ADGRV1: variants seen among roughly 807,000 people sequenced by gnomAD.
The protein encoded by ADGRV1 is G-protein coupled receptor 98.
ADGRV1 carries 359 observed loss-of-function variants against 596.2 expected under a neutral mutation model. The ratio of observed to expected loss-of-function variants is 0.60; its 90% CI spans 0.55 to 0.66. The LOEUF is 0.66. Ranked by LOEUF, ADGRV1 falls within the 30% of genes least tolerant of loss-of-function variation. The pLI is 0.00. For missense variants in ADGRV1, 7,274 were observed against 7,575.6 expected (o/e 0.96, Z 1.48); for synonymous variants, 2,681 against 2,679.2 (o/e 1.00, Z -0.02).
chr5:91,046,798 A>G (rs1258562337), intron 85 of ADGRV1, among the ~76,000 whole-genome samples: 1 of 152,206 alleles, frequency 6.6e-6, no homozygotes, highest in African/African-American at 2.4e-5. Context: ...AAAATCTACA[A>G]CAAACTCAAA....
At chr5:91,094,052 A>G (rs1790629831) in intron 86 of ADGRV1, among the ~76,000 whole-genome samples, 1 of 151,770 alleles carries the variant, frequency 6.6e-6, no homozygotes, top group Non-Finnish European at 1.5e-5. Context: ...GGGTTTCGCC[A>G]TGTTCGCCAG....
At chr5:91,012,266 T>G (rs566999553) in intron 85 of ADGRV1, among the ~76,000 whole-genome samples, 25 of 152,126 alleles carry the variant, frequency 1.6e-4, no homozygotes, top group African/African-American at 5.5e-4. Flanking sequence ...CTGTTAGACA[T>G]TCCGTTTATT....
intron 85 of ADGRV1, among the ~76,000 whole-genome samples, chr5:91,019,755 A>G (rs1446797140): frequency 6.6e-6 from 1 of 152,044 alleles, no homozygotes; most frequent in Non-Finnish European, 1.5e-5. Context: ...ATCTGAGCAC[A>G]TGACCCTTAA....
chr5:90,883,663 C>T (rs568184953), intron 83 of ADGRV1, among the ~76,000 whole-genome samples: 10 of 152,096 alleles, frequency 6.6e-5, no homozygotes, highest in East Asian at 1.9e-4. Flanking sequence ...TTTGCTTCTT[C>T]GGCCTTTCAC....
At chr5:90,604,723 TC>T (rs1761855621) in intron 1 of ADGRV1, among the ~76,000 whole-genome samples, 1 of 152,148 alleles carries the variant, frequency 6.6e-6, no homozygotes, top group South Asian at 2.1e-4. Context: ...AAACATGTGA[TC>T]CTTATTTTTT....
At chr5:90,894,751 G>A (rs1429419635) in intron 83 of ADGRV1, among the ~76,000 whole-genome samples, 2 of 152,078 alleles carry the variant, frequency 1.3e-5, no homozygotes, top group Non-Finnish European at 2.9e-5. Flanking sequence ...AATGAATATG[G>A]AACCTGTTTC....
rs540128407 is a variant in ADGRV1 at position 90,579,205 on chromosome 5, C to T, written c.22+20288C>T. 1.7e-3 allele frequency among the ~76,000 whole-genome samples: 263 copies of T among 152,172 alleles called. 1 individual carries two copies. Among genetic ancestry groups the T allele is most frequent in the Non-Finnish European group, 1.7e-3 (118 of 68,010 alleles). ...TCTTTTAATTGTGATGTTACGGTGC[C>T]GATTTTAGATCTTCCCTGCTTTCTC... On this transcript the variant is annotated intron_variant, in intron 1 of 89. Transcript: ENST00000405460.
At chr5:91,084,780 A>G (rs1177495631) in intron 86 of ADGRV1, among the ~76,000 whole-genome samples, 1 of 152,212 alleles carries the variant, frequency 6.6e-6, no homozygotes, top group Non-Finnish European at 1.5e-5. Flanking sequence ...ACATGCACAC[A>G]TATGTTTATT....
chr5:91,113,465 C>A (rs1792558922), intron 87 of ADGRV1, among the ~76,000 whole-genome samples: 2 of 152,186 alleles, frequency 1.3e-5, no homozygotes, highest in Admixed American at 1.3e-4. Context: ...TATAGGCAGA[C>A]CACCTTGATC....
At chr5:91,012,915 T>C (rs761001572) in intron 85 of ADGRV1, among the ~76,000 whole-genome samples, 2 of 152,006 alleles carry the variant, frequency 1.3e-5, no homozygotes, top group Non-Finnish European at 2.9e-5. Context: ...TGTTGTTCCC[T>C]TCTTTGTGCT....
At chr5:91,091,721 A>G (rs1270551945) in intron 86 of ADGRV1, 2 of 151,272 alleles carry the variant, frequency 1.3e-5, no homozygotes, top group South Asian at 4.2e-4. Context: ...TTTTAGTTCG[A>G]AAGCCTGAAA....
At chr5:90,790,809 T>A in intron 69 of ADGRV1, 64 bp from the exon 70 acceptor site, 2 of 1,063,048 alleles carry the variant, frequency 1.9e-6, no homozygotes. Context: ...AAACATAATT[T>A]AAGGGAATTT....
chr5:90,704,896 C>T (rs1243604046), intron 36 of ADGRV1, among the ~76,000 whole-genome samples: 2 of 151,874 alleles, frequency 1.3e-5, no homozygotes, highest in African/African-American at 2.4e-5. Flanking sequence ...CTGCAGCCGC[C>T]GCCTCCCGGG....
chr5:90,689,332 CTTTTTTTT>C (rs34756274), intron 29 of ADGRV1, among the ~76,000 whole-genome samples: 203 of 104,422 alleles, frequency 1.9e-3, no homozygotes, highest in African/African-American at 7.9e-3. Flanking sequence ...CCCCACCCAC[CTTTTTTTT>C]TTTTTTTTTT....
chr5:90,927,128 G>A (rs1165806544), intron 83 of ADGRV1, among the ~76,000 whole-genome samples: 33 of 150,070 alleles, frequency 2.2e-4, no homozygotes, highest in Non-Finnish European at 4.9e-4. Context: ...GGGGTGGAGA[G>A]TTCTGTAGAT....
chr5:91,160,440 C>T (rs1796848514), intron 89 of ADGRV1, among the ~76,000 whole-genome samples: 2 of 152,160 alleles, frequency 1.3e-5, no homozygotes, highest in Non-Finnish European at 2.9e-5. Context: ...TCAGCTAGCA[C>T]CTCTCATCCT....
chr5:90,908,910 C>T (rs1314408211), intron 83 of ADGRV1, among the ~76,000 whole-genome samples: 1 of 152,010 alleles, frequency 6.6e-6, no homozygotes, highest in Non-Finnish European at 1.5e-5. Context: ...ATTCAGAGAA[C>T]GGTGTGTTGA....
intron 83 of ADGRV1, among the ~76,000 whole-genome samples, chr5:90,872,423 T>TTGTGTGTGTGTGTGTGTGTGTG (rs55743704): frequency 1.4e-5 from 2 of 147,338 alleles, no homozygotes; most frequent in Admixed American, 6.8e-5. Flanking sequence ...TGGTATGAGC[T>TTGTGTGTGTGTGTGTGTGTGTG]TGTGTGTGTG....
At chr5:91,035,169 A>G (rs1248148333) in intron 85 of ADGRV1, among the ~76,000 whole-genome samples, 2 of 152,044 alleles carry the variant, frequency 1.3e-5, no homozygotes, top group African/African-American at 2.4e-5. Context: ...GCCTGCCACC[A>G]TATGTTGTAT....
Sources: allele counts gnomAD v4.1 joint callset (sites outside exome capture counted in the v4.1 genomes callset), GRCh38; gene constraint gnomAD v4.1.1; transcripts MANE v1.5; gene names NCBI Gene and HGNC (gene_info 2026-07-23, HGNC 2026-07-21).